The following TRPM3 variants were observed in gnomAD, a reference collection of about 807,000 sequenced individuals.
TRPM3 encodes long transient receptor potential channel 3.
A neutral mutation model predicts 181.2 loss-of-function variants in TRPM3; 77 were observed. The ratio of observed to expected loss-of-function variants is 0.42; its 90% CI spans 0.35 to 0.51. The LOEUF (loss-of-function observed/expected upper bound fraction) is 0.51, where lower values mean the gene tolerates loss of function less well. TRPM3 is among the 20% of genes least tolerant of loss of function. The probability of loss-of-function intolerance (pLI) is 0.01; values close to 1 mark genes in which losing one functional copy is unlikely to be tolerated. For missense variants in TRPM3, 1,759 were observed against 2,196.7 expected (o/e 0.80, Z 3.98); for synonymous variants, 745 against 796.4 (o/e 0.94, Z 1.09).
chr9:71,331,150 G>A (rs1485545292), intron 1 of TRPM3, among the ~76,000 whole-genome samples: 1 of 151,848 alleles, frequency 6.6e-6, no homozygotes, highest in African/African-American at 2.4e-5. Context: ...AATCATAAAT[G>A]TGTGTTAATT....
intron 1 of TRPM3, among the ~76,000 whole-genome samples, chr9:71,021,461 G>C (rs537469076): frequency 1.1e-4 from 16 of 152,270 alleles, no homozygotes; most frequent in Admixed American, 1.0e-3. Context: ...GGGGATAATC[G>C]ATTTTAACTT....
chr9:70,596,615 C>T (rs1027119516), intron 21 of TRPM3, among the ~76,000 whole-genome samples: 3 of 151,390 alleles, frequency 2.0e-5, no homozygotes, highest in African/African-American at 7.3e-5. Context: ...ACTGTAGTCC[C>T]AGCTGCTCGG....
intron 1 of TRPM3, among the ~76,000 whole-genome samples, chr9:71,132,070 A>G (rs187145950): frequency 1.3e-5 from 2 of 152,352 alleles, no homozygotes; most frequent in African/African-American, 4.8e-5. Context: ...CATTTTAATC[A>G]GGTTCACAAT....
At chr9:71,007,104 A>T (rs1271452744) in intron 1 of TRPM3, among the ~76,000 whole-genome samples, 1 of 150,016 alleles carries the variant, frequency 6.7e-6, no homozygotes, top group East Asian at 1.9e-4. Context: ...AAAAAAAAAA[A>T]AAGAAAAAGA....
intron 1 of TRPM3, among the ~76,000 whole-genome samples, chr9:71,264,862 C>T (rs1179772689): frequency 6.6e-6 from 1 of 152,092 alleles, no homozygotes; most frequent in Non-Finnish European, 1.5e-5. Context: ...CTCTATGTCC[C>T]AAAGCAGAGC....
At chr9:71,086,589 C>G (rs1369025345) in intron 1 of TRPM3, among the ~76,000 whole-genome samples, 1 of 151,982 alleles carries the variant, frequency 6.6e-6, no homozygotes, top group African/African-American at 2.4e-5. Flanking sequence ...GAGGGAACTT[C>G]AGGTTGATGG....
intron 1 of TRPM3, among the ~76,000 whole-genome samples, chr9:71,155,056 C>T (rs1214118131): frequency 6.6e-6 from 1 of 152,096 alleles, no homozygotes; most frequent in East Asian, 1.9e-4. Context: ...GTTTTATCCT[C>T]AAATCTACAA....
chr9:71,397,418 T>C (rs901965271), intron 1 of TRPM3, among the ~76,000 whole-genome samples: 1 of 152,200 alleles, frequency 6.6e-6, no homozygotes, highest in Non-Finnish European at 1.5e-5. Context: ...GATAATCTTA[T>C]AAACTGTATC....
intron 1 of TRPM3, among the ~76,000 whole-genome samples, chr9:70,988,765 G>A (rs2097446960): frequency 6.6e-6 from 1 of 152,152 alleles, no homozygotes; most frequent in Admixed American, 6.6e-5. Flanking sequence ...GATGCTCTTG[G>A]ACAGGCAACT....
chr9:71,262,806 A>G (rs1438508468), intron 1 of TRPM3, among the ~76,000 whole-genome samples: 2 of 152,066 alleles, frequency 1.3e-5, no homozygotes, highest in African/African-American at 4.8e-5. Flanking sequence ...TGGGTGAGGC[A>G]ACGCCCCAGC....
chr9:70,619,406 CTTTTTT>C (rs1170887633), intron 16 of TRPM3, among the ~76,000 whole-genome samples: 15 of 81,442 alleles, frequency 1.8e-4, no homozygotes, highest in African/African-American at 3.4e-4. Flanking sequence ...TCGTCGTCTT[CTTTTTT>C]TTTTTTTTTT....
At chr9:71,309,477 C>T (rs1178382247) in intron 1 of TRPM3, among the ~76,000 whole-genome samples, 7 of 152,120 alleles carry the variant, frequency 4.6e-5, no homozygotes, top group Non-Finnish European at 1.0e-4. Context: ...ACTTAGTAAA[C>T]ATATTGGAAG....
chr9:70,556,419 T>C (rs574004423), intron 22 of TRPM3, among the ~76,000 whole-genome samples: 1 of 152,198 alleles, frequency 6.6e-6, no homozygotes, highest in South Asian at 2.1e-4. Context: ...GGAACATGTA[T>C]TATGTTCAAA....
In TRPM3 at chr9:70,781,326, T is replaced by TAAAAAAAAAAAAAAAAAAAA. The variant is rs35173071; in HGVS notation, c.1148+2759_1148+2778dup. Among the ~76,000 whole-genome samples the TAAAAAAAAAAAAAAAAAAAA allele has an allele frequency of 7.2e-4, 76 of 106,088 alleles. 1 individual carries two copies. Among genetic ancestry groups the TAAAAAAAAAAAAAAAAAAAA allele is most frequent in the African/African-American group, 1.1e-3 (30 of 26,914 alleles). The allele number at this position is 106,088 out of a possible 152,430, so 69.6% of individuals were successfully genotyped here. A position where few individuals can be genotyped will look rare whatever the true frequency, so the allele number is the denominator to read the frequency against. On this transcript the variant is annotated intron_variant, in intron 7 of 25. Transcript: ENST00000677713. ...GGGGACAGCATGAGATTCCATTTCA[T>TAAAAAAAAAAAAAAAAAAAA]AAAAAAAAAAAAAAAAAAAAAAAGA...
intron 1 of TRPM3, among the ~76,000 whole-genome samples, chr9:71,444,589 G>T (rs2094179324): frequency 6.6e-6 from 1 of 151,810 alleles, no homozygotes. Context: ...AATCTTTACA[G>T]GTTAGGCTAT....
chr9:71,088,013 GT>G (rs1401261190), intron 1 of TRPM3, among the ~76,000 whole-genome samples: 1 of 151,956 alleles, frequency 6.6e-6, no homozygotes, highest in Non-Finnish European at 1.5e-5. Flanking sequence ...CTTTAATGAA[GT>G]GTTTATTATG....
At chr9:71,434,303 G>A (rs1377001592) in intron 1 of TRPM3, among the ~76,000 whole-genome samples, 2 of 152,108 alleles carry the variant, frequency 1.3e-5, no homozygotes, top group African/African-American at 4.8e-5. Context: ...CATGAAAGTG[G>A]AGCCCTCAAG....
intron 24 of TRPM3, among the ~76,000 whole-genome samples, chr9:70,551,275 G>C (rs572097310): frequency 6.6e-6 from 1 of 152,092 alleles, no homozygotes; most frequent in Non-Finnish European, 1.5e-5. Flanking sequence ...CAGTTTCCCC[G>C]ACTGATTCAT....
intron 19 of TRPM3, among the ~76,000 whole-genome samples, chr9:70,610,250 A>G (rs1707962407): frequency 6.6e-6 from 1 of 152,174 alleles, no homozygotes; most frequent in Non-Finnish European, 1.5e-5. Flanking sequence ...CAAATCCGGG[A>G]CTGACATCTA....
Sources: allele counts gnomAD v4.1 joint callset (sites outside exome capture counted in the v4.1 genomes callset), GRCh38; gene constraint gnomAD v4.1.1; transcripts MANE v1.5; gene names NCBI Gene and HGNC (gene_info 2026-07-23, HGNC 2026-07-21).